Variants in CDH18 observed in about 807,000 individuals in gnomAD.
CDH18 encodes the protein cadherin 18.
In CDH18, 31 loss-of-function variants were observed where a neutral mutation model predicts 67.9. That is an observed-to-expected ratio of 0.46 (90% CI 0.34 to 0.62). The LOEUF is 0.62. CDH18 is among the 20% of genes least tolerant of loss of function. CDH18 has a pLI of 0.01. For synonymous variants in CDH18, 362 were observed against 347.2 expected, an observed-to-expected ratio of 1.04 and a Z score of -0.48; for missense variants, 890 against 975.5, an observed-to-expected ratio of 0.91 and a Z score of 1.17.
At chr5:20,125,324 G>A (rs188717404) in intron 2 of CDH18, among the ~76,000 whole-genome samples, 2 of 151,922 alleles carry the variant, frequency 1.3e-5, no homozygotes. Context: ...GTGTGGATGA[G>A]TGTGTGTGTG....
chr5:20,510,974 A>C (rs1441140507), intron 1 of CDH18, among the ~76,000 whole-genome samples: 2 of 152,214 alleles, frequency 1.3e-5, no homozygotes, highest in African/African-American at 4.8e-5. Context: ...TGGTATTGGA[A>C]CAATTGGATA....
At chr5:19,642,198 G>A in intron 5 of CDH18, among the ~76,000 whole-genome samples, 1 of 151,970 alleles carries the variant, frequency 6.6e-6, no homozygotes, top group Non-Finnish European at 1.5e-5. Context: ...TAAATGGAAA[G>A]ACAGCATATA....
intron 2 of CDH18, among the ~76,000 whole-genome samples, chr5:20,063,348 A>G (rs1021197902): frequency 2.0e-5 from 3 of 152,006 alleles, no homozygotes; most frequent in Non-Finnish European, 2.9e-5. Flanking sequence ...ATTATAAATG[A>G]TTTTATGAAT....
intron 2 of CDH18, among the ~76,000 whole-genome samples, chr5:19,948,019 G>T (rs1263831065): frequency 6.6e-6 from 1 of 152,134 alleles, no homozygotes; most frequent in Non-Finnish European, 1.5e-5. Flanking sequence ...GAGTACGTAA[G>T]CATTGAAGAT....
intron 6 of CDH18, among the ~76,000 whole-genome samples, chr5:19,597,643 C>T (rs1334329269): frequency 3.3e-5 from 5 of 151,994 alleles, no homozygotes; most frequent in African/African-American, 7.2e-5. Context: ...GAAACACACA[C>T]GTATGCTGTC....
At chr5:20,491,089 T>G (rs1016509524) in intron 1 of CDH18, among the ~76,000 whole-genome samples, 2 of 152,052 alleles carry the variant, frequency 1.3e-5, no homozygotes, top group Non-Finnish European at 2.9e-5. Context: ...GCATACATTA[T>G]ATTTTTAGTT....
intron 5 of CDH18, among the ~76,000 whole-genome samples, chr5:19,692,898 C>T (rs1469934864): frequency 6.6e-6 from 1 of 151,684 alleles, no homozygotes; most frequent in East Asian, 1.9e-4. Context: ...TATACATTTC[C>T]AAAAGAAAGG....
chr5:20,312,254 G>T (rs1232570824), intron 1 of CDH18, among the ~76,000 whole-genome samples: 1 of 152,124 alleles, frequency 6.6e-6, no homozygotes, highest in Non-Finnish European at 1.5e-5. Context: ...CTGTAAGGTT[G>T]TTTCTGCAGT....
intron 2 of CDH18, among the ~76,000 whole-genome samples, chr5:19,930,800 T>G (rs1176417613): frequency 6.6e-6 from 1 of 152,034 alleles, no homozygotes; most frequent in Non-Finnish European, 1.5e-5. Flanking sequence ...AAGATGATCA[T>G]GTCTTCATTT....
chr5:19,746,090 A>G (rs1157102902), intron 4 of CDH18, among the ~76,000 whole-genome samples: 2 of 152,156 alleles, frequency 1.3e-5, no homozygotes, highest in Non-Finnish European at 2.9e-5. Flanking sequence ...TCTCATAAAG[A>G]TAGTCGAAAA....
intron 2 of CDH18, among the ~76,000 whole-genome samples, chr5:20,004,195 C>G (rs1426997914): frequency 6.6e-6 from 1 of 152,156 alleles, no homozygotes; most frequent in Non-Finnish European, 1.5e-5. Context: ...ATGATTTTTA[C>G]TATTTTTACT....
At chr5:20,467,091 A>G (rs1751682626) in intron 1 of CDH18, among the ~76,000 whole-genome samples, 1 of 148,102 alleles carries the variant, frequency 6.8e-6, no homozygotes, top group Non-Finnish European at 1.5e-5. Flanking sequence ...AAATAGTTTA[A>G]CAAGATTATT....
intron 2 of CDH18, among the ~76,000 whole-genome samples, chr5:20,236,608 A>G (rs894614126): frequency 1.3e-5 from 2 of 152,068 alleles, no homozygotes; most frequent in African/African-American, 4.8e-5. Context: ...AACAAATTCT[A>G]TGAAAGACAG....
chr5:19,662,142 C>CAT (rs571000467), intron 5 of CDH18, among the ~76,000 whole-genome samples: 1 of 147,646 alleles, frequency 6.8e-6, no homozygotes, highest in Non-Finnish European at 1.5e-5. Flanking sequence ...TTAAAGATGA[C>CAT]TTTTTTTTTT....
intron 2 of CDH18, among the ~76,000 whole-genome samples, chr5:19,880,082 G>A (rs934204835): frequency 6.6e-6 from 1 of 151,824 alleles, no homozygotes; most frequent in African/African-American, 2.4e-5. Flanking sequence ...AGTGTAGTAT[G>A]AACCAGGCTT....
intron 1 of CDH18, among the ~76,000 whole-genome samples, chr5:20,256,617 A>G (rs903352603): frequency 2.0e-5 from 3 of 152,114 alleles, no homozygotes; most frequent in African/African-American, 7.2e-5. Context: ...AGAGAAAAGT[A>G]TACATCCAAA....
At chr5:20,484,678 C>G (rs534363933) in intron 1 of CDH18, among the ~76,000 whole-genome samples, 1 of 152,068 alleles carries the variant, frequency 6.6e-6, no homozygotes, top group Non-Finnish European at 1.5e-5. Flanking sequence ...ATAAAAGGCA[C>G]AAAAAGACAA....
intron 1 of CDH18, among the ~76,000 whole-genome samples, chr5:20,277,989 A>G (rs1020203683): frequency 6.6e-6 from 1 of 152,280 alleles, no homozygotes; most frequent in East Asian, 1.9e-4. Flanking sequence ...TGCAAAAAGA[A>G]TAACAATAAT....
At chr5:20,233,052 T>A (rs1271302596) in intron 2 of CDH18, among the ~76,000 whole-genome samples, 1 of 151,902 alleles carries the variant, frequency 6.6e-6, no homozygotes, top group Non-Finnish European at 1.5e-5. Context: ...AGTTAATATA[T>A]ACAGCTTTCT....
Sources: allele counts gnomAD v4.1 joint callset (sites outside exome capture counted in the v4.1 genomes callset), GRCh38; gene constraint gnomAD v4.1.1; transcripts MANE v1.5; gene names NCBI Gene and HGNC (gene_info 2026-07-23, HGNC 2026-07-21).